The following ANKS1B variants were observed in gnomAD, a reference collection of about 807,000 sequenced individuals.
ANKS1B encodes ankyrin repeat and sterile alpha motif domain containing 1B.
In ANKS1B, 36 loss-of-function variants were observed where a neutral mutation model predicts 148.3. That is an observed-to-expected ratio of 0.24 (90% CI 0.19 to 0.32). The LOEUF (loss-of-function observed/expected upper bound fraction) is 0.32. Among genes scored for constraint, ANKS1B ranks in the 10% least tolerant of loss-of-function variants. The pLI is 1.00. For synonymous variants in ANKS1B, 542 were observed against 560.8 expected (o/e 0.97, Z 0.47); for missense variants, 1,157 against 1,542.6 (o/e 0.75, Z 4.19).
chr12:99,261,845 CT>C (rs1046530590), intron 12 of ANKS1B, among the ~76,000 whole-genome samples: 20 of 152,112 alleles, frequency 1.3e-4, no homozygotes, highest in African/African-American at 4.8e-4. Context: ...CCTTGATCCA[CT>C]CTGAGTAAAA....
chr12:99,707,981 G>C (rs1211771328), intron 8 of ANKS1B, among the ~76,000 whole-genome samples: 1 of 152,096 alleles, frequency 6.6e-6, no homozygotes, highest in Non-Finnish European at 1.5e-5. Flanking sequence ...GGCAATCACT[G>C]AGACAAACTG....
chr12:99,799,802 C>T (rs1049876485), intron 4 of ANKS1B, among the ~76,000 whole-genome samples: 1 of 152,022 alleles, frequency 6.6e-6, no homozygotes, highest in Non-Finnish European at 1.5e-5. Context: ...CCAACAAGAA[C>T]AACAAGGTCA....
At chr12:99,481,438 TTAG>T (rs1457529855) in intron 10 of ANKS1B, among the ~76,000 whole-genome samples, 1 of 151,916 alleles carries the variant, frequency 6.6e-6, no homozygotes, top group Non-Finnish European at 1.5e-5. Flanking sequence ...TATCCACTCA[TTAG>T]TTGATGTGCA....
At chr12:99,374,256 G>A (rs2093287285) in intron 12 of ANKS1B, among the ~76,000 whole-genome samples, 1 of 152,072 alleles carries the variant, frequency 6.6e-6, no homozygotes, top group Non-Finnish European at 1.5e-5. Context: ...TTATAATGTT[G>A]GTGAGGAAAA....
intron 8 of ANKS1B, among the ~76,000 whole-genome samples, chr12:99,672,399 C>T (rs568700207): frequency 4.3e-4 from 66 of 152,200 alleles, no homozygotes; most frequent in South Asian, 1.5e-3. Context: ...TTCAAATACA[C>T]GTAACTCTGA....
At chr12:99,521,305 T>G (rs2096872611) in intron 9 of ANKS1B, among the ~76,000 whole-genome samples, 3 of 152,242 alleles carry the variant, frequency 2.0e-5, no homozygotes, top group Admixed American at 2.0e-4. Flanking sequence ...TTATCTTGAA[T>G]TTCTTTTGAG....
chr12:99,702,907 T>C (rs776306408), intron 8 of ANKS1B, among the ~76,000 whole-genome samples: 1 of 152,086 alleles, frequency 6.6e-6, no homozygotes, highest in Non-Finnish European at 1.5e-5. Context: ...TAGTTTCAGG[T>C]CTTAGATTTA....
chr12:99,840,858 T>A (rs2085622382), intron 1 of ANKS1B, among the ~76,000 whole-genome samples: 1 of 152,140 alleles, frequency 6.6e-6, no homozygotes, highest in Non-Finnish European at 1.5e-5. Flanking sequence ...ATAATCTTTG[T>A]CTTGTTGATG....
chr12:98,884,064 C>T (rs2099726731), intron 17 of ANKS1B, among the ~76,000 whole-genome samples: 1 of 152,108 alleles, frequency 6.6e-6, no homozygotes, highest in Non-Finnish European at 1.5e-5. Context: ...AAAATTGAGT[C>T]TTCATAACTA....
intron 8 of ANKS1B, among the ~76,000 whole-genome samples, chr12:99,720,678 G>C (rs570146970): frequency 6.6e-6 from 1 of 152,226 alleles, no homozygotes; most frequent in South Asian, 2.1e-4. Context: ...CAGCCCATTG[G>C]AGCTCCTGTA....
Position 99,167,813 on chromosome 12 carries a change from A to T in ANKS1B, c.2420-13418T>A, listed in dbSNP as rs142701037. ...AAACATCCTAAAAGTCCATCAACAG[A>T]TGAATGGATAAACAAATTGTGGCAT... On this transcript the variant is annotated intron_variant, in intron 14 of 26. Transcript: ENST00000683438. Among the ~76,000 whole-genome samples the T allele has an allele frequency of 3.2e-4, 49 of 152,334 alleles. 2 individuals are homozygous for T. In the South Asian group the frequency reaches 9.5e-3, roughly 30 times the overall value.
chr12:99,605,229 C>A (rs2153314237), intron 9 of ANKS1B, among the ~76,000 whole-genome samples: 2 of 152,144 alleles, frequency 1.3e-5, no homozygotes, highest in South Asian at 4.2e-4. Context: ...CAGAATTATG[C>A]ATACTTATGG....
chr12:99,654,927 A>G, intron 9 of ANKS1B, 140 bp downstream of exon 9: 1 of 910,620 alleles, frequency 1.1e-6, no homozygotes, highest in Non-Finnish European at 1.6e-6. Flanking sequence ...TTTACTTGAC[A>G]CTTTGAGAAA....
In ANKS1B at chr12:99,464,436, G is replaced by T. The variant is rs1285572586; in HGVS notation, c.1439-20627C>A. On this transcript the variant is annotated intron_variant, in intron 10 of 26. Transcript: ENST00000683438. ...CCTCACCAGCAACAGAACAAAGCTG[G>T]ACGGAGAATGACTTTGACGAGTTGA... Among the ~76,000 whole-genome samples, 5 of 152,234 alleles carry T rather than the reference G, an allele frequency of 3.3e-5. No individual in the cohort carries two copies. The East Asian group carries it at 9.6e-4, about 29-fold the overall frequency.
chr12:99,523,712 C>G (rs867432432), intron 9 of ANKS1B, among the ~76,000 whole-genome samples: 37 of 152,120 alleles, frequency 2.4e-4, no homozygotes, highest in African/African-American at 8.2e-4. Context: ...GCCACCACGC[C>G]CGGCTAATTT....
chr12:99,894,041 G>A (rs1183984064), intron 1 of ANKS1B, among the ~76,000 whole-genome samples: 5 of 151,962 alleles, frequency 3.3e-5, no homozygotes, highest in South Asian at 2.1e-4. Flanking sequence ...GCTGAAAAGT[G>A]AAAACCTGAA....
chr12:99,088,849 T>G (rs965464254), intron 15 of ANKS1B, among the ~76,000 whole-genome samples: 6 of 138,430 alleles, frequency 4.3e-5, no homozygotes, highest in African/African-American at 1.1e-4. Flanking sequence ...TTTTTTTTTT[T>G]TTTTTTTTTT....
At chr12:99,859,820 T>C (rs1251230726) in intron 1 of ANKS1B, among the ~76,000 whole-genome samples, 4 of 152,106 alleles carry the variant, frequency 2.6e-5, no homozygotes, top group Non-Finnish European at 5.9e-5. Flanking sequence ...CTAATTTTTA[T>C]ATGTTTTAGT....
chr12:99,838,508 C>A (rs2153695251), intron 1 of ANKS1B, among the ~76,000 whole-genome samples: 1 of 152,130 alleles, frequency 6.6e-6, no homozygotes, highest in Middle Eastern at 3.4e-3. Context: ...TTTCATCATT[C>A]TTACTGATTT....
Sources: gnomAD v4.1 joint callset for allele counts (sites outside exome capture counted in the v4.1 genomes callset) on GRCh38, gnomAD v4.1.1 for gene constraint, MANE v1.5 for transcripts, NCBI Gene and HGNC (gene_info 2026-07-23, HGNC 2026-07-21) for gene names.